The following TDRD15 variants were observed in gnomAD, a reference collection of about 807,000 sequenced individuals.
TDRD15 encodes the protein tudor domain-containing protein 15.
For missense variants in TDRD15, 1,416 were observed against 904.7 expected, an observed-to-expected ratio of 1.57 and a Z score of -7.25; for synonymous variants, 503 against 314.5, an observed-to-expected ratio of 1.60 and a Z score of -6.34.
rs1665991697 is a variant in TDRD15, at chr2:21,144,027, TCC to T, written c.*756_*757del. The stretch of plus-strand genomic sequence containing the variant: ...TAAATCTTGCTATTATTAGTGAGCT[TCC>T]TGCGCTTATTTTGAAGAATCATTTT... On this transcript the variant is annotated 3_prime_UTR_variant, in exon 4 of 4. Transcript: ENST00000405799. Among the ~76,000 whole-genome samples the T allele has an allele frequency of 6.6e-6, 1 of 151,772 alleles. No homozygotes were observed. The highest frequency in any genetic ancestry group is 1.5e-5 in the Non-Finnish European group (1 of 67,770).
chr2:21,140,965 T>A lies in TDRD15; in HGVS notation c.3498T>A (p.Thr1166=), dbSNP rs1047072682. 3.2e-5 allele frequency: 23 copies of A among 713,974 alleles called. No homozygotes were observed. The Middle Eastern group carries it at 6.9e-4, about 21-fold the overall frequency. The allele number at this position is 713,974 out of a possible 1,614,324, so 44.2% of individuals were successfully genotyped here. The change falls in exon 4 of 4, where the codon ACT becomes ACA. Residue 1166 remains threonine, a synonymous_variant. Coordinates refer to ENST00000405799, the MANE Select transcript of TDRD15 (RefSeq NM_001306137.2). ...AAATAAATGAGAATAAGAGATTTACTACTTCTTTGAAAGGCAAAACAGGAA... is the reference window on the plus strand; with the variant it reads ...AAATAAATGAGAATAAGAGATTTACAACTTCTTTGAAAGGCAAAACAGGAA... ...SNKINENKRF[T]TSLKGKTGNN...
At position 21,139,787 on chromosome 2, in the gene TDRD15, C is replaced by T. The variant is rs1383848075; in HGVS notation, c.2320C>T (p.Gln774Ter). Residue 774 changes from glutamine to a stop codon, truncating the protein, a stop_gained, in exon 4 of 4, where the codon CAG becomes TAG. Coordinates refer to ENST00000405799, the MANE Select transcript of TDRD15 (RefSeq NM_001306137.2). LOFTEE classifies it low-confidence loss of function (END_TRUNC). ...CYYGPGDFSCQLQCKSEDLKL... is the reference protein window; with the variant it reads ...CYYGPGDFSC ...TTATGGCCCAGGTGACTTTTCATGC[C>T]AGCTCCAATGTAAGTCAGAAGACCT... 1 of 715,366 alleles carries T rather than the reference C, an allele frequency of 1.4e-6. No homozygotes were observed. Among genetic ancestry groups the T allele is most frequent in the East Asian group, 2.7e-5 (1 of 37,252 alleles). 44.3% of individuals were successfully genotyped at this position (715,366 alleles called of 1,614,324 possible).
intron 2 of TDRD15, among the ~76,000 whole-genome samples, chr2:21,133,504 T>C (rs1430399634): frequency 6.6e-6 from 1 of 152,098 alleles, no homozygotes; most frequent in Non-Finnish European, 1.5e-5. Context: ...GGACTGATAA[T>C]CAGAAAACCT....
chr2:21,124,867 G>T lies in TDRD15; in HGVS notation c.-201+821G>T, dbSNP rs188953586. 2.3e-3 allele frequency among the ~76,000 whole-genome samples: 348 copies of T among 150,430 alleles called. 3 individuals are homozygous for T. The highest frequency in any genetic ancestry group is 8.1e-3 in the African/African-American group (329 of 40,850). ...CAGAGTGATCCTAATGCCAGAGTGT[G>T]TGTGTATGTGAGAAACCCTAATGTC... On this transcript the variant is annotated intron_variant, in intron 1 of 3. Transcript: ENST00000405799.
intron 1 of TDRD15, among the ~76,000 whole-genome samples, chr2:21,127,116 C>G (rs1665612731): frequency 6.6e-6 from 1 of 151,970 alleles, no homozygotes; most frequent in African/African-American, 2.4e-5. Flanking sequence ...AATAAATCTT[C>G]TTTGGTAAAG....
intron 2 of TDRD15, among the ~76,000 whole-genome samples, chr2:21,129,262 A>T (rs1665662860): frequency 6.6e-6 from 1 of 152,110 alleles, no homozygotes; most frequent in South Asian, 2.1e-4. Context: ...TAGTAATGGA[A>T]TTGCTGTTTT....
At chr2:21,125,429 GGTGTGTGTGTGT>G (rs77767650) in intron 1 of TDRD15, among the ~76,000 whole-genome samples, 1 of 147,240 alleles carries the variant, frequency 6.8e-6, no homozygotes, top group Non-Finnish European at 1.5e-5. Flanking sequence ...CGAATGCCAG[GGTGTGTGTGTGT>G]GTGTGTGTGA....
chr2:21,128,946 AT>A lies in TDRD15; in HGVS notation c.-90+1245del, dbSNP rs919931760. 1.4e-3 allele frequency among the ~76,000 whole-genome samples: 205 copies of A among 148,216 alleles called. 1 individual carries two copies. Among genetic ancestry groups the A allele is most frequent in the Admixed American group, 0.01 (150 of 14,862 alleles). Reference sequence around the variant, plus strand: ...TCTTTAAAAAATGTTATTGTTATTTATTTTTTTTTTGACAGAGTCTTGCTCT... The same window carrying A: ...TCTTTAAAAAATGTTATTGTTATTTATTTTTTTTTGACAGAGTCTTGCTCT... On this transcript the variant is annotated intron_variant, in intron 2 of 3. Transcript: ENST00000405799.
chr2:21,137,119 G>C (rs564934245), intron 3 of TDRD15, among the ~76,000 whole-genome samples: 1 of 152,066 alleles, frequency 6.6e-6, no homozygotes, highest in African/African-American at 2.4e-5. Context: ...GGCTAATTTA[G>C]CTCCTTTCAT....
At chr2:21,126,269 A>C (rs1316031515) in intron 1 of TDRD15, among the ~76,000 whole-genome samples, 1 of 152,180 alleles carries the variant, frequency 6.6e-6, no homozygotes, top group Non-Finnish European at 1.5e-5. Context: ...CTAGGATGTT[A>C]TACAAATGGA....
At chr2:21,144,584 C>G (rs1666003476), downstream of TDRD15, among the ~76,000 whole-genome samples, 1 of 151,792 alleles carries the variant, frequency 6.6e-6, no homozygotes, top group Admixed American at 6.6e-5. Flanking sequence ...ATAGAAACAG[C>G]TACCATATTT....
Position 21,140,151 on chromosome 2 carries a change from G to C in TDRD15, c.2684G>C (p.Arg895Thr). 1.4e-6 allele frequency: 1 copy of C among 715,768 alleles called. No homozygotes were observed. Among genetic ancestry groups the C allele is most frequent in the African/African-American group, 1.7e-5 (1 of 57,260 alleles). The allele number at this position is 715,768 out of a possible 1,614,324, so 44.3% of individuals were successfully genotyped here. The change falls in exon 4 of 4, where the codon AGA becomes ACA. Residue 895 changes from arginine to threonine, a missense_variant. Arg to Thr is a moderately conservative substitution (Grantham distance 71, BLOSUM62 -1). Coordinates refer to ENST00000405799, the MANE Select transcript of TDRD15 (RefSeq NM_001306137.2). Reference sequence around the variant, plus strand: ...TTGTGGAATTTTATCTCTTCATCTAGAGGGTTATTGACTTGTATCATCTAT... The same window carrying C: ...TTGTGGAATTTTATCTCTTCATCTACAGGGTTATTGACTTGTATCATCTAT... ...RDLWNFISSSRGLLTCIIYAL... is the reference protein window; with the variant it reads ...RDLWNFISSSTGLLTCIIYAL...
intron 2 of TDRD15, among the ~76,000 whole-genome samples, chr2:21,129,803 C>A (rs1305288355): frequency 6.6e-6 from 1 of 151,958 alleles, no homozygotes; most frequent in Non-Finnish European, 1.5e-5. Context: ...GTTTTCTGTT[C>A]CTTATAGCAA....
At position 21,140,957 on chromosome 2, in the gene TDRD15, A is replaced by G; in HGVS notation, c.3490A>G (p.Arg1164Gly). 1.4e-6 allele frequency: 1 copy of G among 713,288 alleles called. No individual in the cohort carries two copies. The highest frequency in any genetic ancestry group is 2.6e-6 in the Non-Finnish European group (1 of 383,228). 44.2% of individuals were successfully genotyped at this position (713,288 alleles called of 1,614,324 possible). A position where few individuals can be genotyped will look rare whatever the true frequency, so the allele number is the denominator to read the frequency against. Residue 1164 changes from arginine (R) to glycine (G), a missense_variant, in exon 4 of 4, where the codon AGA (arginine) becomes GGA (glycine). Transcript: ENST00000405799. ...GAGTAATAAAATAAATGAGAATAAG[A>G]GATTTACTACTTCTTTGAAAGGCAA... ...EKSNKINENK[R>G]FTTSLKGKTG...
At chr2:21,146,771 A>C (rs965064295), downstream of TDRD15, among the ~76,000 whole-genome samples, 9 of 152,238 alleles carry the variant, frequency 5.9e-5, no homozygotes, top group African/African-American at 2.2e-4. Context: ...ACATCTAGAC[A>C]TCCAGAGGAG....
Position 21,142,458 on chromosome 2 carries a change from T to C in TDRD15, c.4991T>C (p.Ile1664Thr), listed in dbSNP as rs1309074342. The change falls in exon 4 of 4, where the codon ATT becomes ACT. Residue 1664 changes from isoleucine (I) to threonine (T), a missense_variant. By Grantham distance (89) the Ile-to-Thr change is moderately conservative. Transcript: ENST00000405799. ...ECLFADLEIN[I>T]LFLKYLDAVW... ...TTATTTGCTGATTTGGAAATAAATA[T>C]TCTTTTCCTGAAATATTTAGATGCT... is the stretch of plus-strand genomic sequence containing the variant. 1.4e-6 allele frequency: 1 copy of C among 706,982 alleles called. No homozygotes were observed. Among genetic ancestry groups the C allele is most frequent in the Non-Finnish European group, 2.6e-6 (1 of 381,340 alleles). 43.8% of individuals were successfully genotyped at this position (706,982 alleles called of 1,614,324 possible). A position where few individuals can be genotyped will look rare whatever the true frequency, so the allele number is the denominator to read the frequency against.
rs919660284 is a variant in TDRD15 at position 21,142,170 on chromosome 2, CT to C, written c.4709del (p.Leu1570TyrfsTer10). On this transcript the variant is annotated frameshift_variant, in exon 4 of 4. Transcript: ENST00000405799. LOFTEE classifies it low-confidence loss of function (END_TRUNC). The stretch of plus-strand genomic sequence containing the variant: ...ATTACGAAAGAAGAAAAAAAATCCC[CT>C]TTTTTATCAATGGAAAGTATTGAAA... ...VLITKEEKKS[P>X]FLSMESIEKG... The C allele has an allele frequency of 7.4e-6, 5 of 671,734 alleles. No individual in the cohort carries two copies. The highest frequency in any genetic ancestry group is 3.4e-5 in the South Asian group (2 of 58,524). 41.6% of individuals were successfully genotyped at this position (671,734 alleles called of 1,614,324 possible).
Position 21,127,942 on chromosome 2 carries a change from T to C in TDRD15, c.-90+231T>C, listed in dbSNP as rs570556246. Reference sequence around the variant, plus strand: ...TCTTTAATTTCTCTTAGCAGTGTTTTATAGTTTTAATTTTGTAAGTGTTTC... The same window carrying C: ...TCTTTAATTTCTCTTAGCAGTGTTTCATAGTTTTAATTTTGTAAGTGTTTC... On this transcript the variant is annotated intron_variant, in intron 2 of 3. Coordinates refer to ENST00000405799, the MANE Select transcript of TDRD15 (RefSeq NM_001306137.2). Among the ~76,000 whole-genome samples the C allele has an allele frequency of 2.6e-5, 4 of 152,316 alleles. No individual in the cohort carries two copies. The South Asian group carries it at 6.2e-4, about 24-fold the overall frequency.
chr2:21,124,604 G>A (rs1242857317), intron 1 of TDRD15, among the ~76,000 whole-genome samples: 1 of 146,894 alleles, frequency 6.8e-6, no homozygotes, highest in Non-Finnish European at 1.5e-5. Context: ...GTGTGTGAGA[G>A]AAACCCTAAT....
Sources: gnomAD v4.1 joint callset for allele counts (sites outside exome capture counted in the v4.1 genomes callset) on GRCh38, gnomAD v4.1.1 for gene constraint, MANE v1.5 for transcripts, NCBI Gene and HGNC (gene_info 2026-07-23, HGNC 2026-07-21) for gene names.